The following UBAC2 variants were observed in gnomAD, a reference collection of about 807,000 sequenced individuals.
UBAC2 encodes the protein ubiquitin-associated domain-containing protein 2.
In UBAC2, 26 loss-of-function variants were observed where a neutral mutation model predicts 44.0. The ratio of observed to expected loss-of-function variants is 0.59; its 90% CI spans 0.43 to 0.82. UBAC2 has a LOEUF of 0.82. UBAC2 is among the 40% of genes least tolerant of loss of function. The pLI is 0.00. For synonymous variants in UBAC2, 155 were observed against 154.3 expected (o/e 1.00, Z -0.04); for missense variants, 329 against 419.4 (o/e 0.78, Z 1.88).
At position 99,201,320 on chromosome 13, in the gene UBAC2, C is replaced by T. The variant is rs566389185; in HGVS notation, c.31+381C>T. 54 of 1,504,258 alleles carry T rather than the reference C, an allele frequency of 3.6e-5. No homozygotes were observed. The African/African-American group carries it at 6.7e-4, about 19-fold the overall frequency. The allele number at this position is 1,504,258 out of a possible 1,614,324, so 93.2% of individuals were successfully genotyped here. A position where few individuals can be genotyped will look rare whatever the true frequency, so the allele number is the denominator to read the frequency against. On this transcript the variant is annotated intron_variant, in intron 1 of 8. Coordinates refer to ENST00000403766, the MANE Select transcript of UBAC2 (RefSeq NM_001144072.2). ...GCCGTCCCCCTTACCATGCCCCATT[C>T]TTTTAGGCTTGGGGGACCGAACTAA...
chr13:99,283,897 G>C (rs1318691879), intron 4 of UBAC2, among the ~76,000 whole-genome samples: 1 of 152,040 alleles, frequency 6.6e-6, no homozygotes, highest in East Asian at 1.9e-4. Flanking sequence ...ACCACGCCCA[G>C]CTAATTTTTG....
intron 4 of UBAC2, chr13:99,255,078 A>G (rs773906701): frequency 2.5e-6 from 4 of 1,614,068 alleles, no homozygotes; most frequent in South Asian, 2.2e-5. Context: ...CTCCCCAGGG[A>G]TTGTAACTGT....
intron 4 of UBAC2, among the ~76,000 whole-genome samples, chr13:99,292,289 C>A (rs1190623957): frequency 1.3e-5 from 2 of 151,212 alleles, no homozygotes; most frequent in Non-Finnish European, 3.0e-5. Context: ...GCGCCCACCA[C>A]CACGCCCAGC....
At chr13:99,242,650 C>T (rs1208596666) in intron 2 of UBAC2, among the ~76,000 whole-genome samples, 14 of 114,144 alleles carry the variant, frequency 1.2e-4, no homozygotes, top group Admixed American at 2.5e-4. Flanking sequence ...CCCCACCTCC[C>T]TCCCGGACGG....
chr13:99,338,999 C>A (rs2044843512), intron 6 of UBAC2, among the ~76,000 whole-genome samples: 1 of 152,166 alleles, frequency 6.6e-6, no homozygotes, highest in Admixed American at 6.5e-5. Flanking sequence ...GTTCTCTCTT[C>A]TGCTGTGTCT....
At chr13:99,349,225 C>T (rs1423900397) in intron 7 of UBAC2, among the ~76,000 whole-genome samples, 1 of 152,212 alleles carries the variant, frequency 6.6e-6, no homozygotes, top group Non-Finnish European at 1.5e-5. Flanking sequence ...GTCTCCCTCC[C>T]TTTGCTCGCT....
rs557660244 is a variant in UBAC2, at chr13:99,356,009, A to C, written c.808-11778A>C. 7.5e-6 allele frequency: 3 copies of C among 398,308 alleles called. No homozygotes were observed. The East Asian group carries it at 1.8e-4, about 23-fold the overall frequency. The allele number at this position is 398,308 out of a possible 1,614,324, so 24.7% of individuals were successfully genotyped here. On this transcript the variant is annotated intron_variant, in intron 7 of 8. Transcript: ENST00000403766. ...GGGTTTGCAGCTGCTGTTGAAACCA[A>C]CTGAACCTGTTTGTAAAATTGTACC...
intron 1 of UBAC2, among the ~76,000 whole-genome samples, chr13:99,213,114 A>G (rs1224448348): frequency 1.3e-5 from 2 of 151,902 alleles, no homozygotes; most frequent in East Asian, 3.9e-4. Context: ...ACATATACCT[A>G]TACATTTGAT....
chr13:99,286,086 C>G (rs1045512837), intron 4 of UBAC2, among the ~76,000 whole-genome samples: 3 of 152,306 alleles, frequency 2.0e-5, no homozygotes, highest in African/African-American at 7.2e-5. Context: ...GGAGTCTATT[C>G]CTGGAGGCGC....
chr13:99,353,496 A>G (rs1182702508), intron 7 of UBAC2, among the ~76,000 whole-genome samples: 4 of 152,264 alleles, frequency 2.6e-5, no homozygotes, highest in Admixed American at 6.5e-5. Context: ...AGAGCGAGGT[A>G]CAGTCTCATG....
intron 4 of UBAC2, among the ~76,000 whole-genome samples, chr13:99,290,513 G>T (rs1230266047): frequency 6.6e-6 from 1 of 151,984 alleles, no homozygotes; most frequent in African/African-American, 2.4e-5. Flanking sequence ...ATCACTTGAG[G>T]TCAGGAGTTT....
At chr13:99,236,037 A>C (rs1422245918) in intron 1 of UBAC2, among the ~76,000 whole-genome samples, 1 of 152,204 alleles carries the variant, frequency 6.6e-6, no homozygotes, top group Admixed American at 6.5e-5. Context: ...ATTTCTTACT[A>C]TACATAAAAA....
At chr13:99,337,967 A>G (rs546528614) in intron 6 of UBAC2, among the ~76,000 whole-genome samples, 1 of 151,446 alleles carries the variant, frequency 6.6e-6, no homozygotes, top group East Asian at 1.9e-4. Context: ...TGGGCCACAC[A>G]TAATATACAC....
At chr13:99,301,611 C>T (rs2044257993) in intron 4 of UBAC2, among the ~76,000 whole-genome samples, 1 of 151,900 alleles carries the variant, frequency 6.6e-6, no homozygotes, top group Non-Finnish European at 1.5e-5. Flanking sequence ...GACATGTTGA[C>T]ATGAACTGAC....
chr13:99,339,370 A>G (rs533026368), intron 6 of UBAC2, among the ~76,000 whole-genome samples: 1 of 152,280 alleles, frequency 6.6e-6, no homozygotes, highest in East Asian at 1.9e-4. Flanking sequence ...CTTGCCAGAA[A>G]TAGTTTTATG....
At position 99,376,666 on chromosome 13, in the gene UBAC2, G is replaced by A. The variant is rs530366033; in HGVS notation, c.928-8562G>A. 9.2e-5 allele frequency among the ~76,000 whole-genome samples: 14 copies of A among 152,338 alleles called. No individual in the cohort carries two copies. The East Asian group carries it at 2.7e-3, about 29-fold the overall frequency. The stretch of plus-strand genomic sequence containing the variant: ...ATAAGTAGATGTGGAAGACAGGAAA[G>A]CAAAGCATGCTGGAGGCGAACCCAA... On this transcript the variant is annotated intron_variant, in intron 8 of 8. Transcript: ENST00000403766.
At chr13:99,323,852 C>T (rs943139253) in intron 6 of UBAC2, among the ~76,000 whole-genome samples, 1 of 152,106 alleles carries the variant, frequency 6.6e-6, no homozygotes, top group Non-Finnish European at 1.5e-5. Context: ...GACCAGTTGA[C>T]GTGTGATTTT....
chr13:99,353,699 C>T lies in UBAC2; in HGVS notation c.807+13134C>T, dbSNP rs572968556. Reference sequence around the variant, plus strand: ...ACCAGGGGTATATTAGAAAAATCATCCTCATAATCATTCTGGGAAGTTTTT... The same window carrying T: ...ACCAGGGGTATATTAGAAAAATCATTCTCATAATCATTCTGGGAAGTTTTT... On this transcript the variant is annotated intron_variant, in intron 7 of 8. Transcript: ENST00000403766. 1.6e-4 allele frequency among the ~76,000 whole-genome samples: 24 copies of T among 151,108 alleles called. No homozygotes were observed. In the South Asian group the frequency reaches 4.5e-3, roughly 28 times the overall value.
intron 2 of UBAC2, among the ~76,000 whole-genome samples, chr13:99,242,970 G>A (rs1475271025): frequency 6.7e-6 from 1 of 150,122 alleles, no homozygotes. Context: ...GGGAAGAGGC[G>A]CTCCTCACTT....
Sources: gnomAD v4.1 joint callset for allele counts (sites outside exome capture counted in the v4.1 genomes callset) on GRCh38, gnomAD v4.1.1 for gene constraint, MANE v1.5 for transcripts, NCBI Gene and HGNC (gene_info 2026-07-23, HGNC 2026-07-21) for gene names.